DOT1L: variants seen among roughly 807,000 people sequenced by gnomAD.
DOT1L encodes the protein histone-lysine N-methyltransferase, H3 lysine-79 specific.
DOT1L carries 33 observed loss-of-function variants against 153.3 expected under a neutral mutation model. The observed-to-expected ratio is 0.22, with a 90% CI of 0.16 to 0.29. The LOEUF is 0.29. Ranked by LOEUF, DOT1L falls within the 10% of genes least tolerant of loss-of-function variation. The pLI is 1.00. For synonymous variants in DOT1L, 1,135 were observed against 965.1 expected, an observed-to-expected ratio of 1.18 and a Z score of -3.26; for missense variants, 1,847 against 2,119.9, an observed-to-expected ratio of 0.87 and a Z score of 2.53.
At chr19:2,166,622 G>T (rs1029991783) in intron 1 of DOT1L, among the ~76,000 whole-genome samples, 4 of 151,974 alleles carry the variant, frequency 2.6e-5, no homozygotes, top group African/African-American at 4.8e-5. Flanking sequence ...TGTTGGCTAG[G>T]CTGGTCTCGA....
rs2024203808 is a variant in DOT1L, at chr19:2,223,373, C to T, written c.3483C>T (p.Asp1161=). The T allele has an allele frequency of 6.2e-7, 1 of 1,613,830 alleles. No individual in the cohort carries two copies. The highest frequency in any genetic ancestry group is 2.2e-5 in the East Asian group (1 of 44,888). ...KSSPVPYQDH[D]QPPVLKKERP... ...CCCCTGTGCCCTACCAGGACCACGA[C>T]CAGCCCCCCGTGCTCAAGAAGGAGC... The change falls in exon 25 of 28, where the codon GAC becomes GAT. Residue 1161 remains aspartate, a synonymous_variant. Coordinates refer to ENST00000398665, the MANE Select transcript of DOT1L (RefSeq NM_032482.3).
rs369497234 is a variant in DOT1L, at chr19:2,197,217, G to A, written c.651+2640G>A. Among the ~76,000 whole-genome samples, 11 of 152,170 alleles carry A rather than the reference G, an allele frequency of 7.2e-5. No homozygotes were observed. In the East Asian group the frequency reaches 1.5e-3, roughly 21 times the overall value. On this transcript the variant is annotated intron_variant, in intron 7 of 27. Coordinates refer to ENST00000398665, the MANE Select transcript of DOT1L (RefSeq NM_032482.3). This position sits in a 1 kb window ranked among gnomAD's most constrained non-coding sequence, Gnocchi z 4.1. ...CTTGCGCATCCAGGGCTGTGGGCCC[G>A]GCTCTCCTTCCCTTTCTCATGGTGA...
chr19:2,196,268 C>T (rs1472016766), intron 7 of DOT1L, among the ~76,000 whole-genome samples: 1 of 152,268 alleles, frequency 6.6e-6, no homozygotes, highest in Non-Finnish European at 1.5e-5. Context: ...CTTGGGCGTC[C>T]TGGCTGTGGT....
intron 22 of DOT1L, among the ~76,000 whole-genome samples, chr19:2,218,450 G>A (rs1237638212): frequency 1.3e-5 from 2 of 151,264 alleles, no homozygotes; most frequent in East Asian, 3.9e-4. Context: ...CTGGAGTGCA[G>A]TGGTGCGATC....
Position 2,213,578 on chromosome 19 carries a change from C to T in DOT1L, c.1597C>T (p.Leu533Phe). 6.2e-7 allele frequency: 1 copy of T among 1,613,496 alleles called. No homozygotes were observed. The highest frequency in any genetic ancestry group is 2.2e-5 in the East Asian group (1 of 44,880). Residue 533 changes from leucine (L) to phenylalanine (F), a missense_variant, in exon 17 of 28, where the codon CTC becomes TTC. Physicochemically the swap from Leu to Phe is conservative, Grantham distance 22. This residue lies in a region of DOT1L where 156 missense variants were observed against 235.7 expected (regional missense o/e 0.66). Transcript: ENST00000398665. ...AQLLGAAQQL[L>F]SHCQAQKEEI... ...GCTCCTGGGTGCGGCTCAGCAGCTC[C>T]TCAGCCACTGCCAGGCCCAGAAGGA...
rs2024514845 is a variant in DOT1L, at chr19:2,229,688, C to T, written c.4607-97C>T. 9 of 1,605,778 alleles carry T rather than the reference C, an allele frequency of 5.6e-6. No homozygotes were observed. The South Asian group carries it at 8.8e-5, about 16-fold the overall frequency. ...GTGCTGGCCCCAGGTGGCGTGTGTG[C>T]TCGTGGGAGGCCTCGGTCCCCAGCC... On this transcript the variant is annotated intron_variant, in intron 27 of 27. Coordinates refer to ENST00000398665, the MANE Select transcript of DOT1L (RefSeq NM_032482.3).
chr19:2,192,260 A>C (rs1238554564), intron 5 of DOT1L, among the ~76,000 whole-genome samples: 1 of 152,230 alleles, frequency 6.6e-6, no homozygotes, highest in African/African-American at 2.4e-5. Context: ...TGGAAGGCTG[A>C]GATGGGAGGG....
chr19:2,190,987 T>C lies in DOT1L; in HGVS notation c.265-25T>C. 6.4e-7 allele frequency: 1 copy of C among 1,569,450 alleles called. No homozygotes were observed. The highest frequency in any genetic ancestry group is 8.6e-7 in the Non-Finnish European group (1 of 1,161,548). ...GCTGGGCCGTGAGGTTTATGTGACA[T>C]GGCCGGGCCACCCTCCGTCCGCAGT... On this transcript the variant is annotated intron_variant, in intron 4 of 27. Transcript: ENST00000398665. This position sits in a 1 kb window ranked among gnomAD's most constrained non-coding sequence, Gnocchi z 4.8.
intron 1 of DOT1L, among the ~76,000 whole-genome samples, chr19:2,178,415 ATT>A (rs1174458033): frequency 7.8e-5 from 10 of 128,322 alleles, no homozygotes; most frequent in Non-Finnish European, 1.1e-4. Context: ...TCACTTTGAA[ATT>A]TTTTTTTTTT....
At position 2,209,095 on chromosome 19, in the gene DOT1L, C is replaced by T. The variant is rs572980237; in HGVS notation, c.1005+119C>T. Reference sequence around the variant, plus strand: ...ACTGGAGCACAGCCCTGCCGCCCCTCGGGGCCCGGCCCTGTGCCCTTTCCC... The same window carrying T: ...ACTGGAGCACAGCCCTGCCGCCCCTTGGGGCCCGGCCCTGTGCCCTTTCCC... On this transcript the variant is annotated intron_variant, in intron 12 of 27. Transcript: ENST00000398665. The T allele has an allele frequency of 1.2e-4, 132 of 1,146,754 alleles. No homozygotes were observed. The Admixed American group carries it at 3.0e-3, about 26-fold the overall frequency. 71.0% of individuals were successfully genotyped at this position (1,146,754 alleles called of 1,614,324 possible).
At chr19:2,174,341 A>G (rs2021801355) in intron 1 of DOT1L, among the ~76,000 whole-genome samples, 1 of 152,220 alleles carries the variant, frequency 6.6e-6, no homozygotes, top group Non-Finnish European at 1.5e-5. Flanking sequence ...AAGTAGCTGC[A>G]TGGACTTGGG....
chr19:2,187,059 A>T (rs1297132619), intron 3 of DOT1L, among the ~76,000 whole-genome samples: 1 of 152,158 alleles, frequency 6.6e-6, no homozygotes, highest in Non-Finnish European at 1.5e-5. Flanking sequence ...GACTTGCTTG[A>T]TGATTGCCTC....
chr19:2,196,662 C>T (rs117137458), intron 7 of DOT1L, among the ~76,000 whole-genome samples: 143 of 152,274 alleles, frequency 9.4e-4, no homozygotes, highest in Non-Finnish European at 1.9e-3. Flanking sequence ...ACAGTTGTGT[C>T]GCCTGCAAAC....
At chr19:2,168,611 G>A (rs570002339) in intron 1 of DOT1L, among the ~76,000 whole-genome samples, 5 of 152,208 alleles carry the variant, frequency 3.3e-5, no homozygotes, top group Non-Finnish European at 5.9e-5. Context: ...CTCAAGCCCC[G>A]CATGGCATTT....
At position 2,189,765 on chromosome 19, in the gene DOT1L, C is replaced by T. The variant is rs769020592; in HGVS notation, c.234C>T (p.Tyr78=). The T allele has an allele frequency of 1.4e-5, 22 of 1,612,108 alleles. No homozygotes were observed. In the South Asian group the frequency reaches 2.0e-4, roughly 14 times the overall value. The part of the protein sequence containing the change: ...FESMQRLCDK[Y]NRAIDSIHQL... ...GCATGCAGAGGCTCTGCGACAAGTA[C>T]AACCGTGCCATCGACAGCATCCACC... The change falls in exon 4 of 28, where the codon TAC becomes TAT. Residue 78 remains tyrosine (Y), a synonymous_variant. Transcript: ENST00000398665.
At chr19:2,216,861 T>A in intron 20 of DOT1L, 94 bp from the exon 21 acceptor site, 1 of 1,558,038 alleles carries the variant, frequency 6.4e-7, no homozygotes, top group South Asian at 1.2e-5. Flanking sequence ...AGTGTGTTTG[T>A]TGAGGAGACT....
At chr19:2,221,662 T>C in intron 23 of DOT1L, 1 of 407,358 alleles carries the variant, frequency 2.5e-6, no homozygotes, top group South Asian at 6.7e-5. Context: ...GAGGGCAACT[T>C]ACTCAGAGGA....
In DOT1L at chr19:2,223,314, G is replaced by T. The variant is rs1268572055; in HGVS notation, c.3424G>T (p.Ala1142Ser). 1.2e-6 allele frequency: 2 copies of T among 1,613,694 alleles called. No individual in the cohort carries two copies. The highest frequency in any genetic ancestry group is 1.7e-6 in the Non-Finnish European group (2 of 1,179,972). The change falls in exon 25 of 28, where the codon GCC (alanine) becomes TCC (serine). Residue 1142 changes from alanine (A) to serine (S), a missense_variant. This residue lies in a region of DOT1L where 934 missense variants were observed against 825.3 expected (regional missense o/e 1.13). Transcript: ENST00000398665. Reference protein sequence around the residue: ...SNINQPLEITAISSPETSLKS... With the variant: ...SNINQPLEITSISSPETSLKS... ...CATCAACCAGCCCCTGGAGATTACA[G>T]CCATCTCGTCCCCGGAGACCTCCCT...
chr19:2,231,071 CG>C lies in DOT1L; in HGVS notation c.*1283del. The C allele has an allele frequency of 4.3e-6, 1 of 233,172 alleles. No individual in the cohort carries two copies. Among genetic ancestry groups the C allele is most frequent in the Non-Finnish European group, 8.5e-6 (1 of 118,296 alleles). 14.4% of individuals were successfully genotyped at this position (233,172 alleles called of 1,614,324 possible). On this transcript the variant is annotated 3_prime_UTR_variant, in exon 28 of 28. Transcript: ENST00000398665. The stretch of plus-strand genomic sequence containing the variant: ...GGTGTGGAAGGAGAGGAGCTGAGGC[CG>C]GGGTGTAGCAGGCAGGCAGGGCCAC...
Sources: gnomAD v4.1 joint callset for allele counts (sites outside exome capture counted in the v4.1 genomes callset) on GRCh38, gnomAD v4.1.1 for gene constraint, gnomAD v4.1.1 regional missense constraint, Gnocchi (gnomAD v3.1) non-coding constraint, MANE v1.5 for transcripts, NCBI Gene and HGNC (gene_info 2026-07-23, HGNC 2026-07-21) for gene names.